Variants in RETREG1 observed in about 807,000 individuals in gnomAD.
RETREG1 encodes reticulophagy regulator 1.
A neutral mutation model predicts 54.8 loss-of-function variants in RETREG1; 44 were observed. That is an observed-to-expected ratio of 0.80 (90% confidence interval 0.63 to 1.03). RETREG1 has a LOEUF of 1.03. Among genes scored for constraint, RETREG1 ranks in the 50% least tolerant of loss-of-function variants. The pLI, the probability that RETREG1 is intolerant of heterozygous loss-of-function variation, is 0.00. For missense variants in RETREG1, 554 were observed against 605.1 expected, an observed-to-expected ratio of 0.92 and a Z score of 0.89; for synonymous variants, 217 against 238.5, an observed-to-expected ratio of 0.91 and a Z score of 0.83.
chr5:16,575,140 C>A (rs1742287196), intron 1 of RETREG1, among the ~76,000 whole-genome samples: 1 of 152,172 alleles, frequency 6.6e-6, no homozygotes, highest in Non-Finnish European at 1.5e-5. Context: ...TTTATATTTA[C>A]ATACATATAA....
intron 1 of RETREG1, among the ~76,000 whole-genome samples, chr5:16,576,713 CT>C (rs1742329814): frequency 6.6e-6 from 1 of 152,224 alleles, no homozygotes; most frequent in African/African-American, 2.4e-5. Flanking sequence ...AACTCCTGAC[CT>C]CAGGTGATCC....
At chr5:16,485,274 A>G (rs911131124) in intron 3 of RETREG1, among the ~76,000 whole-genome samples, 6 of 152,180 alleles carry the variant, frequency 3.9e-5, no homozygotes, top group African/African-American at 1.4e-4. Flanking sequence ...TAATTATTTA[A>G]GGATGCATTT....
chr5:16,541,416 G>A (rs186476517), intron 3 of RETREG1, among the ~76,000 whole-genome samples: 47 of 152,314 alleles, frequency 3.1e-4, no homozygotes, highest in Non-Finnish European at 4.4e-4. Context: ...GAAGATAGGT[G>A]CGGTGGCTCA....
At chr5:16,612,699 T>C (rs1743381606) in intron 1 of RETREG1, among the ~76,000 whole-genome samples, 2 of 152,228 alleles carry the variant, frequency 1.3e-5, no homozygotes, top group South Asian at 4.1e-4. Flanking sequence ...GTGGCCTCTA[T>C]TTTACCAAAC....
chr5:16,493,761 A>C (rs753813574), intron 3 of RETREG1, among the ~76,000 whole-genome samples: 2 of 150,938 alleles, frequency 1.3e-5, no homozygotes, highest in Non-Finnish European at 3.0e-5. Context: ...CTACAGCACA[A>C]AAAAAAAAGT....
chr5:16,492,229 T>TCTCTCTCACACA (rs1406702350), intron 3 of RETREG1, among the ~76,000 whole-genome samples: 196 of 110,640 alleles, frequency 1.8e-3, no homozygotes, highest in Non-Finnish European at 2.7e-3. Flanking sequence ...TCTCTCTCTC[T>TCTCTCTCACACA]CACACACACA....
chr5:16,552,799 T>C (rs2126617386), intron 3 of RETREG1, among the ~76,000 whole-genome samples: 1 of 152,306 alleles, frequency 6.6e-6, no homozygotes, highest in African/African-American at 2.4e-5. Flanking sequence ...TAGAACAACG[T>C]TAATGCTTTT....
intron 3 of RETREG1, among the ~76,000 whole-genome samples, chr5:16,517,224 A>G (rs1321779184): frequency 6.8e-6 from 1 of 146,930 alleles, no homozygotes; most frequent in East Asian, 1.9e-4. Flanking sequence ...TGCAGCTTAC[A>G]TCCAGAAAAC....
intron 3 of RETREG1, among the ~76,000 whole-genome samples, chr5:16,489,871 G>A (rs184496856): frequency 2.6e-5 from 4 of 152,312 alleles, no homozygotes; most frequent in Admixed American, 2.6e-4. Flanking sequence ...AGGAGAGCTT[G>A]TTAAATGTAA....
chr5:16,538,925 C>T (rs1741157633), intron 3 of RETREG1, among the ~76,000 whole-genome samples: 1 of 152,160 alleles, frequency 6.6e-6, no homozygotes, highest in African/African-American at 2.4e-5. Context: ...AGGATGGTCT[C>T]GATCTCCTGA....
At chr5:16,602,548 AC>A (rs1743079841) in intron 1 of RETREG1, among the ~76,000 whole-genome samples, 1 of 151,974 alleles carries the variant, frequency 6.6e-6, no homozygotes, top group Admixed American at 6.6e-5. Flanking sequence ...TAAACATGAC[AC>A]TCTACTTAGC....
chr5:16,502,761 CGTT>C (rs1739768723), intron 3 of RETREG1, among the ~76,000 whole-genome samples: 1 of 152,174 alleles, frequency 6.6e-6, no homozygotes, highest in African/African-American at 2.4e-5. Flanking sequence ...TTTAAAGAGA[CGTT>C]GTTTTTAAAA....
chr5:16,527,798 T>A, intron 3 of RETREG1, among the ~76,000 whole-genome samples: 1 of 131,538 alleles, frequency 7.6e-6, no homozygotes, highest in Non-Finnish European at 1.6e-5. Flanking sequence ...CGAGGGACTC[T>A]AATTTTTTTT....
At chr5:16,480,847 T>C (rs1738738795) in intron 5 of RETREG1, among the ~76,000 whole-genome samples, 162 bp downstream of exon 5, 1 of 152,026 alleles carries the variant, frequency 6.6e-6, no homozygotes, top group African/African-American at 2.4e-5. Flanking sequence ...TAGAGACATG[T>C]CTCTAGGAAA....
chr5:16,613,401 A>C lies in RETREG1; in HGVS notation c.320+3251T>G, dbSNP rs557813696. Among the ~76,000 whole-genome samples the C allele has an allele frequency of 6.6e-5, 10 of 152,256 alleles. No homozygotes were observed. In the South Asian group the frequency reaches 1.7e-3, roughly 25 times the overall value. ...ATGATCTCCTTATTAAGAACCCCAC[A>C]ATCTCTTCCATCCACAATACCACGT... On this transcript the variant is annotated intron_variant, in intron 1 of 8. Transcript: ENST00000306320.
rs1457385901 is a variant in RETREG1, at chr5:16,614,802, AC to A, written c.320+1849del. 1.4e-4 allele frequency among the ~76,000 whole-genome samples: 22 copies of A among 152,392 alleles called. 1 individual carries two copies. The highest frequency in any genetic ancestry group is 5.0e-4 in the African/African-American group (21 of 41,604). Reference sequence around the variant, plus strand: ...AGGTTAAGTAATTTGAGACATCCTTACAATAGAATTCTGAAGCAGCTGAAAA... The same window carrying A: ...AGGTTAAGTAATTTGAGACATCCTTAAATAGAATTCTGAAGCAGCTGAAAA... On this transcript the variant is annotated intron_variant, in intron 1 of 8. Coordinates refer to ENST00000306320, the MANE Select transcript of RETREG1 (RefSeq NM_001034850.3).
intron 6 of RETREG1, 56 bp from the exon 7 acceptor site, chr5:16,478,154 C>A: frequency 1.9e-6 from 2 of 1,059,946 alleles, no homozygotes; most frequent in Non-Finnish European, 2.9e-6. Flanking sequence ...AGACATAGTG[C>A]ATTTATTTCA....
At chr5:16,607,503 A>G (rs964306989) in intron 1 of RETREG1, among the ~76,000 whole-genome samples, 2 of 152,082 alleles carry the variant, frequency 1.3e-5, no homozygotes, top group Non-Finnish European at 2.9e-5. Context: ...AATCCCAGCT[A>G]CTTGGGAGGC....
At chr5:16,529,230 T>C (rs10078514) in intron 3 of RETREG1, among the ~76,000 whole-genome samples, 10,965 of 152,240 alleles carry the variant, frequency 0.072, 435 homozygotes, top group Non-Finnish European at 0.096. Context: ...AGATCACACA[T>C]TTTTACTTAA....
Sources: gnomAD v4.1 joint callset for allele counts (sites outside exome capture counted in the v4.1 genomes callset) on GRCh38, gnomAD v4.1.1 for gene constraint, MANE v1.5 for transcripts, NCBI Gene and HGNC (gene_info 2026-07-23, HGNC 2026-07-21) for gene names.